Variants in FLT3 observed in about 807,000 individuals in gnomAD.
FLT3 encodes the protein receptor-type tyrosine-protein kinase FLT3.
A neutral mutation model predicts 126.6 loss-of-function variants in FLT3; 46 were observed. The ratio of observed to expected loss-of-function variants is 0.36; its 90% confidence interval spans 0.29 to 0.46. The LOEUF (loss-of-function observed/expected upper bound fraction) is 0.46, where lower values mean the gene tolerates loss of function less well. FLT3 is among the 20% of genes least tolerant of loss of function. The pLI is 1.00. For synonymous variants in FLT3, 404 were observed against 434.4 expected (o/e 0.93, Z 0.87); for missense variants, 1,069 against 1,190.3 (o/e 0.90, Z 1.50).
At chr13:28,068,512 A>C (rs1178016798) in intron 2 of FLT3, among the ~76,000 whole-genome samples, 1 of 151,594 alleles carries the variant, frequency 6.6e-6, no homozygotes, top group Admixed American at 6.6e-5. Context: ...TCTACAAAAA[A>C]AAAATCTATG....
intron 19 of FLT3, among the ~76,000 whole-genome samples, chr13:28,019,178 G>A (rs1188922708): frequency 6.6e-6 from 1 of 152,056 alleles, no homozygotes; most frequent in African/African-American, 2.4e-5. Flanking sequence ...TGTTGGTCAG[G>A]CTGGTCTCGA....
intron 3 of FLT3, among the ~76,000 whole-genome samples, chr13:28,060,495 A>G (rs1279856207): frequency 6.6e-6 from 1 of 151,768 alleles, no homozygotes; most frequent in Non-Finnish European, 1.5e-5. Flanking sequence ...AAGGAAAAAA[A>G]ATCCTAGATA....
intron 2 of FLT3, among the ~76,000 whole-genome samples, chr13:28,066,082 G>A (rs1303355100): frequency 1.3e-5 from 2 of 152,118 alleles, no homozygotes; most frequent in African/African-American, 4.8e-5. Flanking sequence ...TAATTCAATT[G>A]TATCACAAAT....
Position 28,041,955 on chromosome 13 carries a change from T to C in FLT3, c.1206-4667A>G, listed in dbSNP as rs377013828. Among the ~76,000 whole-genome samples the C allele has an allele frequency of 2.1e-4, 32 of 151,960 alleles. No homozygotes were observed. The East Asian group carries it at 2.9e-3, about 14-fold the overall frequency. On this transcript the variant is annotated intron_variant, in intron 9 of 23. Transcript: ENST00000241453. The stretch of plus-strand genomic sequence containing the variant: ...ATCACTTGAGGTAAGGAGTTCGAGA[T>C]CAGCCTGGCCAACATGGTGAAACTC...
intron 1 of FLT3, chr13:28,073,390 A>G (rs888079495): frequency 1.2e-5 from 5 of 430,372 alleles, no homozygotes; most frequent in Admixed American, 2.8e-5. Flanking sequence ...CTGTCACTTG[A>G]GTGGTCTGTA....
chr13:28,079,942 A>G (rs2137807045), intron 1 of FLT3, among the ~76,000 whole-genome samples: 1 of 152,274 alleles, frequency 6.6e-6, no homozygotes, highest in East Asian at 1.9e-4. Flanking sequence ...GAGGAGGGGG[A>G]TGCCAGGCTC....
chr13:28,028,100 A>T (rs968785696), intron 16 of FLT3, 78 bp downstream of exon 16: 1 of 766,962 alleles, frequency 1.3e-6, no homozygotes, highest in East Asian at 2.5e-5. Flanking sequence ...AGAGAGAGAG[A>T]GAGAGAGAGA....
chr13:28,011,038 G>C (rs1282957749), intron 23 of FLT3, among the ~76,000 whole-genome samples: 1 of 150,852 alleles, frequency 6.6e-6, no homozygotes, highest in African/African-American at 2.4e-5. Context: ...AGGGCCAGGT[G>C]GGGTGGCTCA....
At chr13:28,050,317 GGGTCAAATGGTAAACAAAA>G (rs1875324545) in intron 5 of FLT3, 95 bp from the exon 6 acceptor site, 5 of 1,210,656 alleles carry the variant, frequency 4.1e-6, no homozygotes, top group Non-Finnish European at 5.9e-6. Flanking sequence ...CCAGTTTTAA[GGGTCAAATGGTAAACAAAA>G]GGTCAAAAGG....
intron 19 of FLT3, among the ~76,000 whole-genome samples, chr13:28,019,232 G>C (rs1358236410): frequency 6.6e-6 from 1 of 152,152 alleles, no homozygotes; most frequent in Admixed American, 6.6e-5. Context: ...CTCCCAAAAT[G>C]CTGGGATTGC....
intron 1 of FLT3, among the ~76,000 whole-genome samples, chr13:28,085,854 T>C (rs991198287): frequency 6.6e-6 from 1 of 152,192 alleles, no homozygotes; most frequent in African/African-American, 2.4e-5. Flanking sequence ...GGCTCACACC[T>C]GCAATCCCAG....
At chr13:28,061,361 GTTCA>G (rs10560806) in intron 3 of FLT3, among the ~76,000 whole-genome samples, 146,577 of 152,042 alleles carry the variant, frequency 0.96, 70,772 homozygotes, top group East Asian at 1. Flanking sequence ...TCGCATTAGG[GTTCA>G]TTTTTTGTGT....
chr13:28,091,550 C>T (rs1393164121), intron 1 of FLT3, among the ~76,000 whole-genome samples: 7 of 151,980 alleles, frequency 4.6e-5, no homozygotes, highest in Non-Finnish European at 8.8e-5. Context: ...TAAATGAGGG[C>T]AGTAGACTGG....
intron 3 of FLT3, among the ~76,000 whole-genome samples, chr13:28,058,493 C>T (rs1385616999): frequency 2.0e-5 from 3 of 152,090 alleles, no homozygotes; most frequent in Admixed American, 1.3e-4. Context: ...GCCTGGGCAA[C>T]AAGATTGAAA....
At chr13:28,098,560 C>T (rs1470097446) in intron 1 of FLT3, among the ~76,000 whole-genome samples, 2 of 152,124 alleles carry the variant, frequency 1.3e-5, no homozygotes, top group African/African-American at 4.8e-5. Context: ...AACCGTTTGA[C>T]GGTATCTACC....
chr13:28,022,302 A>G (rs778497495), intron 19 of FLT3, among the ~76,000 whole-genome samples: 1 of 152,142 alleles, frequency 6.6e-6, no homozygotes, highest in Non-Finnish European at 1.5e-5. Context: ...GCTTGAGCTC[A>G]GGATTTCAAG....
chr13:28,073,406 C>A, intron 1 of FLT3: 1 of 441,498 alleles, frequency 2.3e-6, no homozygotes, highest in Non-Finnish European at 4.5e-6. Context: ...CTGTAGATAG[C>A]GACAGGAGGT....
At chr13:28,098,577 G>A (rs997257614) in intron 1 of FLT3, among the ~76,000 whole-genome samples, 2 of 152,102 alleles carry the variant, frequency 1.3e-5, no homozygotes, top group Admixed American at 6.6e-5. Flanking sequence ...TACCAAACCT[G>A]AACATATCCC....
chr13:28,067,848 C>G, intron 2 of FLT3: 1 of 287,968 alleles, frequency 3.5e-6, no homozygotes, highest in Non-Finnish European at 6.9e-6. Context: ...AACAAATCAA[C>G]AACTCATTCT....
Sources: gnomAD v4.1 joint callset for allele counts (sites outside exome capture counted in the v4.1 genomes callset) on GRCh38, gnomAD v4.1.1 for gene constraint, MANE v1.5 for transcripts, NCBI Gene and HGNC (gene_info 2026-07-23, HGNC 2026-07-21) for gene names.